The following DAB1 variants were observed in gnomAD, a reference collection of about 807,000 sequenced individuals.
DAB1 encodes the protein disabled homolog 1.
In DAB1, 15 loss-of-function variants were observed where a neutral mutation model predicts 64.6. The ratio of observed to expected loss-of-function variants is 0.23; its 90% CI spans 0.16 to 0.36. The LOEUF (loss-of-function observed/expected upper bound fraction) is 0.36. DAB1 is among the 10% of genes least tolerant of loss of function. The pLI, the probability that DAB1 is intolerant of heterozygous loss-of-function variation, is 1.00. For synonymous variants in DAB1, 235 were observed against 251.9 expected, an observed-to-expected ratio of 0.93 and a Z score of 0.64; for missense variants, 596 against 706.7, an observed-to-expected ratio of 0.84 and a Z score of 1.78.
intron 2 of DAB1, among the ~76,000 whole-genome samples, chr1:57,159,772 A>T (rs1205893285): frequency 6.7e-6 from 1 of 149,404 alleles, no homozygotes; most frequent in East Asian, 2.0e-4. Context: ...TATGACTCCC[A>T]GCAATTTTTC....
At position 57,748,558 on chromosome 1, in the gene DAB1, TATTCTC is replaced by T. The variant is rs534396644; in HGVS notation, n.552-98899_552-98894del. 8.5e-5 allele frequency among the ~76,000 whole-genome samples: 13 copies of T among 152,338 alleles called. No homozygotes were observed. The South Asian group carries it at 2.5e-3, about 29-fold the overall frequency. Reference sequence around the variant, plus strand: ...ATATCACTAGTGTTGTCACAAAACTTATTCTCAGTATTGCTGGAAGGTAGAGCCAAG... The same window carrying T: ...ATATCACTAGTGTTGTCACAAAACTTAGTATTGCTGGAAGGTAGAGCCAAG... On this transcript the variant is annotated intron_variant and non_coding_transcript_variant, in intron 6 of 20. Coordinates refer to the DAB1 transcript ENST00000485760.
At chr1:57,131,515 A>G (rs1306461202) in intron 4 of DAB1, among the ~76,000 whole-genome samples, 1 of 152,120 alleles carries the variant, frequency 6.6e-6, no homozygotes, top group Non-Finnish European at 1.5e-5. Context: ...TCCCAGTGTG[A>G]CGTTCTGCAG....
intron 1 of DAB1, among the ~76,000 whole-genome samples, chr1:58,536,139 C>T (rs1646513413): frequency 6.6e-6 from 1 of 151,954 alleles, no homozygotes; most frequent in African/African-American, 2.4e-5. Context: ...GAGACCTAAC[C>T]CCAGTAAAGC....
chr1:57,926,555 A>G (rs1644882846), intron 5 of DAB1, among the ~76,000 whole-genome samples: 1 of 151,978 alleles, frequency 6.6e-6, no homozygotes, highest in East Asian at 1.9e-4. Flanking sequence ...AAACTTCTGG[A>G]TCTCTCTCTC....
chr1:57,309,614 A>C (rs76088324), intron 1 of DAB1, among the ~76,000 whole-genome samples: 4,057 of 152,308 alleles, frequency 0.027, 150 homozygotes, highest in African/African-American at 0.091. Flanking sequence ...AGGCACAGGC[A>C]AGAAAGAACT....
chr1:58,453,722 T>C (rs180903836), intron 3 of DAB1, among the ~76,000 whole-genome samples: 67 of 152,302 alleles, frequency 4.4e-4, no homozygotes, highest in Non-Finnish European at 8.7e-4. Flanking sequence ...GGGTTCTGTT[T>C]CCACCAAGAT....
chr1:58,518,952 T>A (rs2100447295), intron 2 of DAB1, among the ~76,000 whole-genome samples: 1 of 152,308 alleles, frequency 6.6e-6, no homozygotes, highest in East Asian at 1.9e-4. Flanking sequence ...AACTTGATCA[T>A]AATCACACAG....
chr1:57,249,437 C>T (rs1669152573), intron 2 of DAB1, among the ~76,000 whole-genome samples: 1 of 152,170 alleles, frequency 6.6e-6, no homozygotes, highest in Non-Finnish European at 1.5e-5. Flanking sequence ...GTGGCATAAA[C>T]AAGAGTTCAC....
In DAB1 at chr1:57,351,042, G is replaced by T. The variant is rs558687134; in HGVS notation, c.-136-59876C>A. Among the ~76,000 whole-genome samples the T allele has an allele frequency of 5.9e-5, 9 of 152,276 alleles. No homozygotes were observed. In the East Asian group the frequency reaches 1.7e-3, roughly 29 times the overall value. The stretch of plus-strand genomic sequence containing the variant: ...ACTTCTTACATACTAGCCATGGGCT[G>T]GGCACTGTGCCACTTGTTTCATGTC... On this transcript the variant is annotated intron_variant, in intron 1 of 14. Coordinates refer to ENST00000371236, the MANE Select transcript of DAB1 (RefSeq NM_001365792.1).
At chr1:57,008,228 G>A (rs950445506) in intron 14 of DAB1, among the ~76,000 whole-genome samples, 2 of 152,218 alleles carry the variant, frequency 1.3e-5, no homozygotes, top group Non-Finnish European at 2.9e-5. Flanking sequence ...GGTGGGGCAA[G>A]CCAGAGAGCT....
At chr1:57,120,200 A>T (rs2100749576) in intron 4 of DAB1, among the ~76,000 whole-genome samples, 1 of 152,298 alleles carries the variant, frequency 6.6e-6, no homozygotes, top group African/African-American at 2.4e-5. Context: ...TAAGGTCACT[A>T]CTTATCTCTG....
At chr1:57,144,687 CCTT>C (rs954578604) in intron 3 of DAB1, among the ~76,000 whole-genome samples, 4 of 149,046 alleles carry the variant, frequency 2.7e-5, no homozygotes, top group African/African-American at 7.5e-5. Flanking sequence ...GAGTGAGACT[CCTT>C]CTCAAAAAAA....
intron 7 of DAB1, among the ~76,000 whole-genome samples, chr1:57,496,883 AG>A (rs1644236980): frequency 6.6e-6 from 1 of 152,174 alleles, no homozygotes; most frequent in Non-Finnish European, 1.5e-5. Context: ...TTACACAACA[AG>A]GGGTCCAACT....
intron 6 of DAB1, among the ~76,000 whole-genome samples, chr1:57,753,540 A>C (rs1319685979): frequency 2.0e-5 from 3 of 152,242 alleles, no homozygotes; most frequent in Non-Finnish European, 4.4e-5. Flanking sequence ...AAATGGGAAT[A>C]GCAGGGCCTA....
At chr1:58,261,839 G>A (rs1278938419) in intron 4 of DAB1, among the ~76,000 whole-genome samples, 1 of 152,204 alleles carries the variant, frequency 6.6e-6, no homozygotes, top group Non-Finnish European at 1.5e-5. Flanking sequence ...TTACATGCAT[G>A]AGCCACCATG....
At chr1:57,557,772 A>G (rs190414996) in intron 7 of DAB1, among the ~76,000 whole-genome samples, 5 of 152,334 alleles carry the variant, frequency 3.3e-5, no homozygotes, top group Admixed American at 1.3e-4. Flanking sequence ...GACTCTATAC[A>G]TAATACCTTT....
chr1:57,438,678 T>G (rs1167149011), intron 7 of DAB1, among the ~76,000 whole-genome samples: 2 of 152,180 alleles, frequency 1.3e-5, no homozygotes, highest in African/African-American at 4.8e-5. Context: ...TCCAAAGGGA[T>G]AGTAACATCC....
intron 9 of DAB1, among the ~76,000 whole-genome samples, chr1:57,053,641 A>AGTCTCTCT (rs1649411792): frequency 1.1e-5 from 1 of 92,452 alleles, no homozygotes; most frequent in African/African-American, 4.8e-5. Flanking sequence ...ACCATCTAAG[A>AGTCTCTCT]ATCTCTCTCT....
chr1:58,412,890 T>C (rs1644684663), intron 3 of DAB1, among the ~76,000 whole-genome samples: 1 of 152,216 alleles, frequency 6.6e-6, no homozygotes, highest in African/African-American at 2.4e-5. Flanking sequence ...TTTGTTAAAG[T>C]CATTTTAGGC....
Sources: gnomAD v4.1 joint callset for allele counts (sites outside exome capture counted in the v4.1 genomes callset) on GRCh38, gnomAD v4.1.1 for gene constraint, MANE v1.5 for transcripts, NCBI Gene and HGNC (gene_info 2026-07-23, HGNC 2026-07-21) for gene names.